NDUFAF6: variants seen among roughly 807,000 people sequenced by gnomAD.
The protein encoded by NDUFAF6 is NADH dehydrogenase (ubiquinone) complex I, assembly factor 6.
In NDUFAF6, 45 loss-of-function variants were observed where a neutral mutation model predicts 40.8. That is an observed-to-expected ratio of 1.10 (90% CI 0.87 to 1.42). The LOEUF (loss-of-function observed/expected upper bound fraction) is 1.42. NDUFAF6 is among the 40% of genes most tolerant of loss of function. The probability of loss-of-function intolerance (pLI) is 0.00; values close to 1 mark genes in which losing one functional copy is unlikely to be tolerated. For synonymous variants in NDUFAF6, 185 were observed against 155.9 expected (o/e 1.19, Z -1.39); for missense variants, 435 against 418.5 (o/e 1.04, Z -0.34).
downstream of NDUFAF6, among the ~76,000 whole-genome samples, chr8:95,107,482 G>A (rs573232902): frequency 2.4e-3 from 363 of 152,198 alleles, 1 homozygote; most frequent in Non-Finnish European, 4.2e-3. Context: ...CTGTCGGAGG[G>A]GTAGGAGGAC....
intron 1 of NDUFAF6, chr8:94,941,061 C>A: frequency 1.5e-6 from 1 of 683,038 alleles, no homozygotes; most frequent in Non-Finnish European, 2.5e-6. Context: ...GCTTATTCAA[C>A]TTAGGTGAAA....
chr8:94,971,397 G>T (rs1306892024), intron 1 of NDUFAF6, among the ~76,000 whole-genome samples: 1 of 152,204 alleles, frequency 6.6e-6, no homozygotes, highest in Non-Finnish European at 1.5e-5. Flanking sequence ...GTGGTTTGGT[G>T]TAACAGTGCC....
At chr8:95,074,979 C>T (rs982525108) in intron 9 of NDUFAF6, among the ~76,000 whole-genome samples, 4 of 152,170 alleles carry the variant, frequency 2.6e-5, no homozygotes, top group Non-Finnish European at 5.9e-5. Flanking sequence ...CCAGCAACCC[C>T]ACCCCTCAAA....
chr8:95,059,647 A>G (rs866563184), downstream of NDUFAF6, among the ~76,000 whole-genome samples: 4 of 152,226 alleles, frequency 2.6e-5, no homozygotes, highest in African/African-American at 7.2e-5. Flanking sequence ...TCACGAGTTC[A>G]AGACCAGCCT....
At chr8:94,927,647 G>A (rs1043309929) in intron 1 of NDUFAF6, 2 of 151,894 alleles carry the variant, frequency 1.3e-5, no homozygotes, top group Admixed American at 1.3e-4. Context: ...TACACAATTA[G>A]TTGAGAAAAA....
intron 1 of NDUFAF6, among the ~76,000 whole-genome samples, chr8:94,970,663 T>A (rs1824395121): frequency 6.6e-6 from 1 of 152,210 alleles, no homozygotes; most frequent in South Asian, 2.1e-4. Flanking sequence ...TATGGCACAT[T>A]CATACAATAG....
intron 1 of NDUFAF6, among the ~76,000 whole-genome samples, chr8:94,910,101 A>G (rs1818677205): frequency 6.6e-6 from 1 of 151,746 alleles, no homozygotes; most frequent in South Asian, 2.1e-4. Flanking sequence ...GGAAAAGGTA[A>G]CCAGCCAGGG....
Position 95,094,304 on chromosome 8 carries a change from C to T in NDUFAF6, n.214-6828C>T, listed in dbSNP as rs117804604. 2.3e-4 allele frequency among the ~76,000 whole-genome samples: 35 copies of T among 151,892 alleles called. No homozygotes were observed. The East Asian group carries it at 6.2e-3, about 27-fold the overall frequency. On this transcript the variant is annotated intron_variant and non_coding_transcript_variant, in intron 2 of 5. Transcript: ENST00000523184. ...ACTTCCTTTTTCACCCCTTCCTCTT[C>T]CACTTCCTTTGGCCACTGTGCCCAA... is the stretch of plus-strand genomic sequence containing the variant.
intron 2 of NDUFAF6, chr8:94,949,979 T>C (rs1045158057): frequency 1.3e-5 from 2 of 150,078 alleles, no homozygotes; most frequent in African/African-American, 4.9e-5. Flanking sequence ...CCACCTGCTG[T>C]AGAAACCGCC....
intron 1 of NDUFAF6, among the ~76,000 whole-genome samples, chr8:94,901,682 A>G (rs927975835): frequency 2.6e-5 from 4 of 152,164 alleles, no homozygotes; most frequent in African/African-American, 7.2e-5. Flanking sequence ...CCCAGGTTCA[A>G]GTGATTCTCA....
At chr8:94,907,862 G>A (rs1818493743) in intron 1 of NDUFAF6, among the ~76,000 whole-genome samples, 1 of 152,180 alleles carries the variant, frequency 6.6e-6, no homozygotes. Flanking sequence ...ACATATGCCT[G>A]TGATTCAGGC....
intron 2 of NDUFAF6, among the ~76,000 whole-genome samples, chr8:94,981,548 A>C (rs1329554228): frequency 6.6e-6 from 1 of 152,186 alleles, no homozygotes; most frequent in Non-Finnish European, 1.5e-5. Context: ...ATGGAAGGGA[A>C]CACATCTTTT....
At chr8:95,102,288 A>T (rs1013555427) in intron 2 of NDUFAF6, among the ~76,000 whole-genome samples, 37 of 152,346 alleles carry the variant, frequency 2.4e-4, no homozygotes, top group African/African-American at 8.9e-4. Flanking sequence ...GAGCCACCAC[A>T]CCCAGCCAAT....
chr8:95,019,125 C>G (rs1210923047), intron 2 of NDUFAF6, among the ~76,000 whole-genome samples: 3 of 152,220 alleles, frequency 2.0e-5, no homozygotes, highest in Non-Finnish European at 4.4e-5. Flanking sequence ...GTTCTCCTGC[C>G]TCAGCCTCCC....
At chr8:94,964,737 A>G (rs1247248905) in intron 1 of NDUFAF6, among the ~76,000 whole-genome samples, 5 of 152,190 alleles carry the variant, frequency 3.3e-5, no homozygotes, top group African/African-American at 1.2e-4. Flanking sequence ...TTCATGAATC[A>G]TCTGCCCCTG....
chr8:94,909,544 T>C (rs528460470), intron 1 of NDUFAF6, among the ~76,000 whole-genome samples: 1 of 151,610 alleles, frequency 6.6e-6, no homozygotes, highest in South Asian at 2.1e-4. Flanking sequence ...GAGAATCGCT[T>C]GAACCTAGGA....
chr8:94,946,716 A>AAAAAAAAAAAAAAAAAAAAAAAAAAAC (rs1822047139), intron 2 of NDUFAF6, among the ~76,000 whole-genome samples: 1 of 149,264 alleles, frequency 6.7e-6, no homozygotes, highest in African/African-American at 2.5e-5. Context: ...AAAAAAAAAA[A>AAAAAAAAAAAAAAAAAAAAAAAAAAAC]AAAAGACAGG....
At chr8:95,033,887 C>T (rs903078081) in intron 2 of NDUFAF6, 1 of 389,350 alleles carries the variant, frequency 2.6e-6, no homozygotes, top group African/African-American at 2.1e-5. Flanking sequence ...CAGTTAGGGG[C>T]ACCTGGGTCA....
intron 1 of NDUFAF6, chr8:94,940,689 C>A: frequency 1.6e-6 from 1 of 633,366 alleles, no homozygotes; most frequent in African/African-American, 1.9e-5. Context: ...AGATGGTTTC[C>A]TGCAATTTTT....
Sources: allele counts gnomAD v4.1 joint callset (sites outside exome capture counted in the v4.1 genomes callset), GRCh38; gene constraint gnomAD v4.1.1; transcripts MANE v1.5; gene names NCBI Gene and HGNC (gene_info 2026-07-23, HGNC 2026-07-21).